CDH4: variants seen among roughly 807,000 people sequenced by gnomAD.
CDH4 encodes the protein cadherin-4.
CDH4 carries 33 observed loss-of-function variants against 86.0 expected under a neutral mutation model. The observed-to-expected ratio is 0.38, with a 90% CI of 0.29 to 0.51. The LOEUF (loss-of-function observed/expected upper bound fraction) is 0.51. CDH4 is among the 20% of genes least tolerant of loss of function. CDH4 has a pLI of 0.86. For missense variants in CDH4, 1,114 were observed against 1,307.4 expected, an observed-to-expected ratio of 0.85 and a Z score of 2.28; for synonymous variants, 555 against 549.4, an observed-to-expected ratio of 1.01 and a Z score of -0.14.
intron 2 of CDH4, among the ~76,000 whole-genome samples, chr20:61,726,259 G>A (rs564599184): frequency 6.6e-6 from 1 of 152,244 alleles, no homozygotes; most frequent in East Asian, 1.9e-4. Flanking sequence ...GTGACCATTG[G>A]CACCAGCACA....
chr20:61,924,194 G>GC, intron 10 of CDH4, 140 bp from the exon 11 acceptor site: 1 of 839,124 alleles, frequency 1.2e-6, no homozygotes, highest in African/African-American at 1.7e-5. Context: ...CCTAGAGGAG[G>GC]ACAAGGCCTG....
chr20:61,355,115 G>C (rs1401225835), intron 2 of CDH4, among the ~76,000 whole-genome samples: 1 of 152,184 alleles, frequency 6.6e-6, no homozygotes, highest in Non-Finnish European at 1.5e-5. Flanking sequence ...TCATTGAGTA[G>C]GGAGAAAAAC....
chr20:61,567,832 G>T (rs1434447469), intron 2 of CDH4, among the ~76,000 whole-genome samples: 1 of 152,058 alleles, frequency 6.6e-6, no homozygotes, highest in Admixed American at 6.6e-5. Context: ...AGTTAGCCAG[G>T]TGTGGTGACA....
chr20:61,924,676 C>T (rs957589734), intron 11 of CDH4, among the ~76,000 whole-genome samples, 200 bp downstream of exon 11: 7 of 152,086 alleles, frequency 4.6e-5, no homozygotes, highest in Non-Finnish European at 8.8e-5. Flanking sequence ...CCATGCTCCC[C>T]CTCCACCCAC....
At chr20:61,476,886 T>A (rs1240656920) in intron 2 of CDH4, among the ~76,000 whole-genome samples, 3 of 152,186 alleles carry the variant, frequency 2.0e-5, no homozygotes, top group Non-Finnish European at 4.4e-5. Context: ...TCCAGTCAGG[T>A]GGACAGGATC....
chr20:61,619,477 A>G (rs1363349655), intron 2 of CDH4, among the ~76,000 whole-genome samples: 1 of 152,246 alleles, frequency 6.6e-6, no homozygotes, highest in Non-Finnish European at 1.5e-5. Context: ...AATGATGATT[A>G]GAACTCTCTG....
At chr20:61,777,459 TG>T (rs2088854798) in intron 4 of CDH4, among the ~76,000 whole-genome samples, 1 of 152,096 alleles carries the variant, frequency 6.6e-6, no homozygotes, top group Non-Finnish European at 1.5e-5. Flanking sequence ...GAAGGCGGAG[TG>T]GGCATCCAAA....
At chr20:61,928,708 C>T (rs923454284) in intron 12 of CDH4, among the ~76,000 whole-genome samples, 5 of 152,360 alleles carry the variant, frequency 3.3e-5, no homozygotes, top group South Asian at 2.1e-4. Context: ...CTTCCTGTGC[C>T]GGTTGTCAGT....
chr20:61,881,352 A>C (rs1185411520), intron 7 of CDH4, among the ~76,000 whole-genome samples: 1 of 152,208 alleles, frequency 6.6e-6, no homozygotes, highest in Non-Finnish European at 1.5e-5. Flanking sequence ...TTTCGTAACC[A>C]AAGTGCCAAG....
chr20:61,594,259 G>T (rs559066985), intron 2 of CDH4, among the ~76,000 whole-genome samples: 1 of 128,178 alleles, frequency 7.8e-6, no homozygotes, highest in Non-Finnish European at 1.7e-5. Context: ...AAGAGGGTGG[G>T]GGGGAAGAGG....
chr20:61,609,744 A>G (rs1343370474), intron 2 of CDH4, among the ~76,000 whole-genome samples: 1 of 152,234 alleles, frequency 6.6e-6, no homozygotes, highest in Non-Finnish European at 1.5e-5. Context: ...AGCTCTGCAC[A>G]TGTGCGTCTC....
intron 2 of CDH4, among the ~76,000 whole-genome samples, chr20:61,368,907 A>G (rs1416778264): frequency 1.3e-5 from 2 of 152,230 alleles, no homozygotes; most frequent in Admixed American, 6.5e-5. Flanking sequence ...TGAACAAATC[A>G]GTATCACTGA....
chr20:61,695,088 G>C (rs922218227), intron 2 of CDH4, among the ~76,000 whole-genome samples: 2 of 152,220 alleles, frequency 1.3e-5, no homozygotes, highest in Non-Finnish European at 2.9e-5. Context: ...GATCAAAACA[G>C]CCATGTTTTC....
In CDH4 at chr20:61,393,798, G is replaced by A. The variant is rs148583281; in HGVS notation, c.169+138861G>A. Among the ~76,000 whole-genome samples, 1 of 152,074 alleles carries A rather than the reference G, an allele frequency of 6.6e-6. No homozygotes were observed. Among genetic ancestry groups the A allele is most frequent in the Non-Finnish European group, 1.5e-5 (1 of 67,988 alleles). On this transcript the variant is annotated intron_variant, in intron 2 of 15. Transcript: ENST00000614565. The surrounding 1 kb of genome is among the most constrained non-coding windows in gnomAD (Gnocchi z 4.3). ...GTGCAGTGAACTCTTACACCCCAGG[G>A]CTCAGTGTGTGAGAGCTACTGCCAC...
chr20:61,559,909 C>G (rs2086204210), intron 2 of CDH4, among the ~76,000 whole-genome samples: 1 of 152,196 alleles, frequency 6.6e-6, no homozygotes, highest in Non-Finnish European at 1.5e-5. Flanking sequence ...ACCAGCTGAC[C>G]TGGCCTTCCT....
chr20:61,814,928 C>T (rs1242997809), intron 4 of CDH4, among the ~76,000 whole-genome samples: 1 of 152,232 alleles, frequency 6.6e-6, no homozygotes, highest in Non-Finnish European at 1.5e-5. Context: ...CCACGCTCCG[C>T]TCCCCGGCTC....
At chr20:61,603,158 C>T (rs1347454759) in intron 2 of CDH4, among the ~76,000 whole-genome samples, 2 of 152,296 alleles carry the variant, frequency 1.3e-5, no homozygotes, top group South Asian at 4.1e-4. Flanking sequence ...CCCTGTGAGC[C>T]GAGTCCAGCT....
At chr20:61,523,740 C>T (rs958823089) in intron 2 of CDH4, among the ~76,000 whole-genome samples, 6 of 152,344 alleles carry the variant, frequency 3.9e-5, no homozygotes, top group Non-Finnish European at 7.3e-5. Flanking sequence ...TCTGCGTCCC[C>T]GACCATCAGT....
chr20:61,565,227 GT>G (rs1568688538), intron 2 of CDH4, among the ~76,000 whole-genome samples: 14 of 41,760 alleles, frequency 3.4e-4, no homozygotes, highest in Admixed American at 9.8e-4. Context: ...GTGGTAGGTG[GT>G]GGTGGTGGTG....
Sources: gnomAD v4.1 joint callset for allele counts (sites outside exome capture counted in the v4.1 genomes callset) on GRCh38, gnomAD v4.1.1 for gene constraint, Gnocchi (gnomAD v3.1) non-coding constraint, MANE v1.5 for transcripts, NCBI Gene and HGNC (gene_info 2026-07-23, HGNC 2026-07-21) for gene names.